The following HSDL2 variants were observed in gnomAD, a reference collection of about 807,000 sequenced individuals.
The protein encoded by HSDL2 is hydroxysteroid dehydrogenase like 2, also known as hydroxysteroid dehydrogenase-like protein 2.
Under a neutral mutation model 46.3 loss-of-function variants are expected in HSDL2, and 27 were observed. The observed-to-expected ratio is 0.58, with a 90% CI of 0.43 to 0.80. The LOEUF (loss-of-function observed/expected upper bound fraction) is 0.80. Among genes scored for constraint, HSDL2 ranks in the 30% least tolerant of loss-of-function variants. HSDL2 has a pLI of 0.00. For missense variants in HSDL2, 451 were observed against 502.7 expected (o/e 0.90, Z 0.98); for synonymous variants, 153 against 163.6 (o/e 0.94, Z 0.50).
intron 4 of HSDL2, among the ~76,000 whole-genome samples, chr9:112,412,535 G>A (rs146048064): frequency 9.9e-5 from 15 of 152,156 alleles, no homozygotes; most frequent in African/African-American, 3.1e-4. Flanking sequence ...AAAAATATAC[G>A]TTTTCTTTCC....
At chr9:112,454,377 G>T (rs558572113) in intron 9 of HSDL2, among the ~76,000 whole-genome samples, 1 of 152,240 alleles carries the variant, frequency 6.6e-6, no homozygotes, top group East Asian at 1.9e-4. Context: ...ACCCAGGCTG[G>T]AGAGCAATGG....
intron 4 of HSDL2, chr9:112,414,079 T>A: frequency 5.5e-6 from 1 of 182,248 alleles, no homozygotes; most frequent in Non-Finnish European, 1.1e-5. Context: ...GGCTATGACC[T>A]AATGCTTGCT....
At chr9:112,381,499 G>T (rs1296984944) in intron 1 of HSDL2, among the ~76,000 whole-genome samples, 1 of 152,060 alleles carries the variant, frequency 6.6e-6, no homozygotes, top group Admixed American at 6.6e-5. Flanking sequence ...GACTTCAGGC[G>T]CGTGCCACCA....
chr9:112,381,096 C>CACACACACACACACAA (rs1554707218), intron 1 of HSDL2, among the ~76,000 whole-genome samples: 25 of 139,318 alleles, frequency 1.8e-4, no homozygotes, highest in African/African-American at 6.3e-4. Context: ...GATACACACA[C>CACACACACACACACAA]ACACACACAC....
intron 1 of HSDL2, among the ~76,000 whole-genome samples, chr9:112,399,750 A>G (rs1040686412): frequency 1.3e-5 from 2 of 152,226 alleles, no homozygotes; most frequent in African/African-American, 4.8e-5. Flanking sequence ...GAAGAAAAAT[A>G]TGGCTCTTTT....
chr9:112,442,168 C>A (rs1265691687), intron 8 of HSDL2, among the ~76,000 whole-genome samples: 1 of 146,446 alleles, frequency 6.8e-6, no homozygotes, highest in African/African-American at 2.5e-5. Flanking sequence ...ACTCAGGAGG[C>A]TGAGGTGGGA....
At position 112,441,010 on chromosome 9, in the gene HSDL2, AAAAT is replaced by A. The variant is rs913720274; in HGVS notation, c.794-670_794-667del. ...GTGACAGAGCGAGACTCCGTCTCAA[AAAAT>A]AAATAAATAAATAAATAATAAATAA... On this transcript the variant is annotated intron_variant, in intron 7 of 10. Transcript: ENST00000398805. 8.9e-4 allele frequency among the ~76,000 whole-genome samples: 135 copies of A among 151,542 alleles called. 1 individual carries two copies. The highest frequency in any genetic ancestry group is 6.8e-3 in the Middle Eastern group (2 of 294).
At chr9:112,410,700 G>A (rs564560844) in intron 4 of HSDL2, among the ~76,000 whole-genome samples, 2 of 152,282 alleles carry the variant, frequency 1.3e-5, no homozygotes, top group African/African-American at 4.8e-5. Flanking sequence ...GCTGAGCCAG[G>A]CGGGTCACTT....
intron 1 of HSDL2, among the ~76,000 whole-genome samples, chr9:112,401,385 G>A (rs909752388): frequency 1.4e-5 from 2 of 140,204 alleles, no homozygotes; most frequent in African/African-American, 5.3e-5. Context: ...TAAGTCCAGA[G>A]GCAGAGGTTG....
chr9:112,421,903 C>T (rs1253264986), intron 6 of HSDL2, among the ~76,000 whole-genome samples: 1 of 152,120 alleles, frequency 6.6e-6, no homozygotes, highest in Non-Finnish European at 1.5e-5. Context: ...AGAGAAGGAA[C>T]TTGAGAAGCT....
intron 10 of HSDL2, among the ~76,000 whole-genome samples, chr9:112,467,983 A>T (rs1227713809): frequency 6.6e-6 from 1 of 152,088 alleles, no homozygotes; most frequent in Non-Finnish European, 1.5e-5. Flanking sequence ...TTTCATGAGA[A>T]AGGATACATT....
intron 1 of HSDL2, among the ~76,000 whole-genome samples, chr9:112,389,544 AC>A (rs1219433915): frequency 2.0e-5 from 3 of 152,198 alleles, no homozygotes; most frequent in African/African-American, 7.2e-5. Flanking sequence ...ACAATGGAGT[AC>A]CTAGGAATAA....
rs540798369 is a variant in HSDL2 at position 112,395,843 on chromosome 9, A to G, written c.18-8152A>G. ...GGAGGTTCCACATTTCCAAGTTGTA[A>G]CTGTTCAGAAACCAATTGAGTTAAA... On this transcript the variant is annotated intron_variant, in intron 1 of 10. Transcript: ENST00000398805. Among the ~76,000 whole-genome samples the G allele has an allele frequency of 9.8e-5, 15 of 152,314 alleles. No homozygotes were observed. In the East Asian group the frequency reaches 2.9e-3, roughly 29 times the overall value.
At chr9:112,402,955 AAACACACACACACACAC>A (rs1263763226) in intron 1 of HSDL2, among the ~76,000 whole-genome samples, 2 of 152,112 alleles carry the variant, frequency 1.3e-5, no homozygotes, top group South Asian at 2.1e-4. Flanking sequence ...AAAGAAAAAA[AAACACACACACACACAC>A]AAAACACACA....
intron 8 of HSDL2, among the ~76,000 whole-genome samples, chr9:112,453,084 G>C (rs1832926438): frequency 1.3e-5 from 2 of 152,150 alleles, no homozygotes; most frequent in African/African-American, 2.4e-5. Context: ...GCTGTCCTCA[G>C]TTTTTTACAT....
rs563533002 is a variant in HSDL2 at position 112,380,186 on chromosome 9, G to C, written c.17+6G>C. The C allele has an allele frequency of 1.8e-4, 283 of 1,569,744 alleles. 1 individual carries two copies. The South Asian group carries it at 3.2e-3, about 18-fold the overall frequency. The stretch of plus-strand genomic sequence containing the variant: ...GTCATGTTACCCAACACCGGGTAAG[G>C]GGGTAGGGGCGGCGCGGGGAGAGAC... On this transcript the variant is annotated splice_donor_region_variant and intron_variant, in intron 1 of 10. Transcript: ENST00000398805.
chr9:112,404,020 A>G lies in HSDL2; in HGVS notation c.43A>G (p.Ile15Val). 1 of 1,614,184 alleles carries G rather than the reference A, an allele frequency of 6.2e-7. No homozygotes were observed. Among genetic ancestry groups the G allele is most frequent in the Non-Finnish European group, 8.5e-7 (1 of 1,180,016 alleles). Residue 15 changes from isoleucine to valine, a missense_variant, in exon 2 of 11, where the codon ATC becomes GTC. Physicochemically the swap from Ile to Val is conservative, Grantham distance 29. Coordinates refer to ENST00000398805, the MANE Select transcript of HSDL2 (RefSeq NM_032303.5). ...GAGGCTGGCAGGATGTACAGTTTTT[A>G]TCACAGGTGCAAGCCGTGGCATTGG... is the stretch of plus-strand genomic sequence containing the variant. ...TGRLAGCTVF[I>V]TGASRGIGKA...
intron 10 of HSDL2, among the ~76,000 whole-genome samples, chr9:112,462,457 T>C (rs1456635703): frequency 3.2e-5 from 1 of 31,518 alleles, no homozygotes; most frequent in East Asian, 5.5e-4. Flanking sequence ...ACTGAGACCC[T>C]GTCTCAAAAA....
At chr9:112,404,247 GA>G (rs1418519402) in intron 2 of HSDL2, 89 bp downstream of exon 2, 1 of 1,259,266 alleles carries the variant, frequency 7.9e-7, no homozygotes, top group Non-Finnish European at 1.1e-6. Flanking sequence ...AAAGCTATTT[GA>G]AAGCTACCCT....
Sources: allele counts gnomAD v4.1 joint callset (sites outside exome capture counted in the v4.1 genomes callset), GRCh38; gene constraint gnomAD v4.1.1; transcripts MANE v1.5; gene names NCBI Gene and HGNC (gene_info 2026-07-23, HGNC 2026-07-21).